Variants in UCHL5 observed in about 807,000 individuals in gnomAD.
The protein encoded by UCHL5 is ubiquitin carboxyl-terminal hydrolase isozyme L5.
A neutral mutation model predicts 53.8 loss-of-function variants in UCHL5; 34 were observed. The observed-to-expected ratio is 0.63, with a 90% CI of 0.48 to 0.84. The LOEUF is 0.84. UCHL5 is among the 40% of genes least tolerant of loss of function. UCHL5 has a pLI of 0.00. For missense variants in UCHL5, 290 were observed against 385.6 expected (o/e 0.75, Z 2.08); for synonymous variants, 111 against 126.3 (o/e 0.88, Z 0.81).
At chr1:193,023,067 C>A (rs1293940684) in intron 8 of UCHL5, 31 bp from the exon 9 acceptor site, 1 of 1,427,380 alleles carries the variant, frequency 7.0e-7, no homozygotes. Context: ...AAATAGCACA[C>A]CCTAATAATT....
At chr1:193,019,420 C>A (rs1484291476) in intron 10 of UCHL5, among the ~76,000 whole-genome samples, 1 of 151,504 alleles carries the variant, frequency 6.6e-6, no homozygotes, top group African/African-American at 2.4e-5. Context: ...TTCAACAATT[C>A]CAATTAAATG....
chr1:193,025,998 T>C (rs1659063601), intron 7 of UCHL5, among the ~76,000 whole-genome samples: 2 of 151,422 alleles, frequency 1.3e-5, no homozygotes, highest in South Asian at 4.2e-4. Flanking sequence ...CACACCAATA[T>C]GCTCCATTTT....
At chr1:193,037,595 TGAA>T (rs940547502) in intron 3 of UCHL5, among the ~76,000 whole-genome samples, 3 of 152,158 alleles carry the variant, frequency 2.0e-5, no homozygotes, top group South Asian at 4.1e-4. Context: ...TCAAAAAAAT[TGAA>T]GAAGAAGGAA....
intron 7 of UCHL5, among the ~76,000 whole-genome samples, chr1:193,026,023 A>G (rs1659067545): frequency 6.6e-6 from 1 of 150,422 alleles, no homozygotes; most frequent in African/African-American, 2.4e-5. Flanking sequence ...AAGGTGCAGG[A>G]GGAATTCAGT....
At position 193,023,853 on chromosome 1, in the gene UCHL5, T is replaced by C. The variant is rs769820397; in HGVS notation, c.723A>G (p.Gln241=). ...YEQKIAELQR[Q]LAEEPMDTDQ... ...AAACATGGCCACGAACCTCTGCAAGTTGTCTTTGTAACTCTGCTATCTTCT... is the reference window on the plus strand; with the variant it reads ...AAACATGGCCACGAACCTCTGCAAGCTGTCTTTGTAACTCTGCTATCTTCT... The change falls in exon 8 of 11, where the codon CAA becomes CAG. Residue 241 remains glutamine, a synonymous_variant. Coordinates refer to ENST00000367454, the MANE Select transcript of UCHL5 (RefSeq NM_001199261.3). 1.4e-5 allele frequency: 23 copies of C among 1,611,846 alleles called. No homozygotes were observed. Among genetic ancestry groups the C allele is most frequent in the East Asian group, 1.1e-4 (5 of 44,760 alleles).
At chr1:193,016,525 C>A in intron 10 of UCHL5, 130 bp from the exon 11 acceptor site, 1 of 760,762 alleles carries the variant, frequency 1.3e-6, no homozygotes, top group Non-Finnish European at 2.0e-6. Context: ...ACTTCTAAAG[C>A]ATTATGTTTT....
chr1:193,043,061 C>T (rs559123123), intron 3 of UCHL5, among the ~76,000 whole-genome samples: 4 of 143,734 alleles, frequency 2.8e-5, no homozygotes, highest in Non-Finnish European at 6.0e-5. Context: ...CCCCAGAAAT[C>T]ATCTTGGACC....
At chr1:193,053,731 T>C (rs972384811) in intron 1 of UCHL5, among the ~76,000 whole-genome samples, 2 of 152,124 alleles carry the variant, frequency 1.3e-5, no homozygotes, top group African/African-American at 4.8e-5. Flanking sequence ...AAAGAATCAC[T>C]TAATACAGAC....
chr1:193,059,074 T>C lies in UCHL5; in HGVS notation c.76+111A>G. ...TTCCCCCACCCGGACTCCAGGTTCC[T>C]GAAGTCACCTCTCCAGACGCGGGGC... On this transcript the variant is annotated intron_variant, in intron 1 of 10. Coordinates refer to ENST00000367454, the MANE Select transcript of UCHL5 (RefSeq NM_001199261.3). This position sits in a 1 kb window ranked among gnomAD's most constrained non-coding sequence, Gnocchi z 4.9. 1.7e-6 allele frequency: 2 copies of C among 1,182,594 alleles called. No homozygotes were observed. Among genetic ancestry groups the C allele is most frequent in the South Asian group, 3.3e-5 (2 of 59,946 alleles). The allele number at this position is 1,182,594 out of a possible 1,614,324, so 73.3% of individuals were successfully genotyped here.
chr1:193,016,480 T>C, intron 10 of UCHL5, 85 bp from the exon 11 acceptor site: 1 of 1,272,306 alleles, frequency 7.9e-7, no homozygotes. Flanking sequence ...GAGGGTATTC[T>C]CAAGCTGAAA....
chr1:193,041,967 T>C (rs552611363), intron 3 of UCHL5, among the ~76,000 whole-genome samples: 6 of 151,872 alleles, frequency 4.0e-5, no homozygotes, highest in African/African-American at 1.4e-4. Flanking sequence ...CTACCAAAAA[T>C]ATAAAAAATT....
At chr1:193,034,351 T>C (rs1310923071) in intron 3 of UCHL5, among the ~76,000 whole-genome samples, 1 of 151,770 alleles carries the variant, frequency 6.6e-6, no homozygotes. Context: ...AAATTTAAGC[T>C]GAAATGAAGA....
chr1:193,045,777 A>G (rs1667143787), intron 3 of UCHL5, among the ~76,000 whole-genome samples: 1 of 152,222 alleles, frequency 6.6e-6, no homozygotes, highest in African/African-American at 2.4e-5. Flanking sequence ...ATTACAAGAC[A>G]CTTTTATTTT....
chr1:193,042,660 T>C (rs1222818767), intron 3 of UCHL5, among the ~76,000 whole-genome samples: 1 of 152,198 alleles, frequency 6.6e-6, no homozygotes, highest in Admixed American at 6.5e-5. Context: ...CATCTACTCT[T>C]GTCCTACACT....
intron 7 of UCHL5, chr1:193,027,838 T>C: frequency 7.8e-7 from 1 of 1,283,512 alleles, no homozygotes; most frequent in East Asian, 3.1e-5. Context: ...AAAGTAGATG[T>C]TTGGCTGGGC....
intron 10 of UCHL5, chr1:193,018,724 A>T: frequency 7.1e-7 from 1 of 1,408,080 alleles, no homozygotes; most frequent in Non-Finnish European, 9.3e-7. Flanking sequence ...CATCCTGTAG[A>T]ATCTCAGCAT....
chr1:193,059,952 A>T, upstream of UCHL5: 1 of 1,366,448 alleles, frequency 7.3e-7, no homozygotes, highest in South Asian at 1.1e-5. The surrounding 1 kb of genome is among the most constrained non-coding windows in gnomAD (Gnocchi z 4.9). Context: ...TGGGTAACGG[A>T]ACCAGCATCG....
In UCHL5 at chr1:193,014,897, A is replaced by G. The variant is rs1571385816; in HGVS notation, c.*1454T>C. On this transcript the variant is annotated 3_prime_UTR_variant, in exon 11 of 11. Coordinates refer to ENST00000367454, the MANE Select transcript of UCHL5 (RefSeq NM_001199261.3). ...TGCTTAACAAAATTTAAGCCTCAAT[A>G]GGAAAGAATATATAAATTAAGCTGA... 1 of 152,260 alleles carries G rather than the reference A, an allele frequency of 6.6e-6. No individual in the cohort carries two copies. The highest frequency in any genetic ancestry group is 2.1e-4 in the South Asian group (1 of 4,830). The allele number at this position is 152,260 out of a possible 1,614,324, so 9.4% of individuals were successfully genotyped here.
At chr1:193,051,119 G>T (rs868117301) in intron 2 of UCHL5, among the ~76,000 whole-genome samples, 1 of 152,094 alleles carries the variant, frequency 6.6e-6, no homozygotes, top group Non-Finnish European at 1.5e-5. Context: ...CCTTTTAAAA[G>T]ATTCCCTGAC....
Sources: allele counts gnomAD v4.1 joint callset (sites outside exome capture counted in the v4.1 genomes callset), GRCh38; gene constraint gnomAD v4.1.1; non-coding constraint Gnocchi (gnomAD v3.1); transcripts MANE v1.5; gene names NCBI Gene and HGNC (gene_info 2026-07-23, HGNC 2026-07-21).